Variants in DAB1 observed in about 807,000 individuals in gnomAD.
DAB1 encodes DAB adaptor protein 1.
Under a neutral mutation model 64.6 loss-of-function variants are expected in DAB1, and 15 were observed. The ratio of observed to expected loss-of-function variants is 0.23; its 90% CI spans 0.16 to 0.36. The LOEUF is 0.36. Ranked by LOEUF, DAB1 falls within the 10% of genes least tolerant of loss-of-function variation. DAB1 has a pLI of 1.00. For missense variants in DAB1, 596 were observed against 706.7 expected (o/e 0.84, Z 1.78); for synonymous variants, 235 against 251.9 (o/e 0.93, Z 0.64).
chr1:57,389,710 C>T (rs1682186451), intron 1 of DAB1, among the ~76,000 whole-genome samples: 1 of 152,058 alleles, frequency 6.6e-6, no homozygotes, highest in African/African-American at 2.4e-5. Flanking sequence ...CAATTTGTGA[C>T]CAATAGCTAT....
intron 6 of DAB1, among the ~76,000 whole-genome samples, chr1:57,781,622 G>A (rs1408143): frequency 0.15 from 21,900 of 150,658 alleles, 1,802 homozygotes; most frequent in East Asian, 0.26. Flanking sequence ...GAAATTTTAA[G>A]CACAGGTCAA....
intron 4 of DAB1, among the ~76,000 whole-genome samples, chr1:58,296,449 G>T (rs1661998321): frequency 6.6e-6 from 1 of 152,186 alleles, no homozygotes; most frequent in Admixed American, 6.5e-5. Flanking sequence ...AGCTGCGGGT[G>T]GTTGGGGCAG....
At chr1:58,158,660 A>G (rs552029143) in intron 4 of DAB1, among the ~76,000 whole-genome samples, 1 of 152,334 alleles carries the variant, frequency 6.6e-6, no homozygotes, top group South Asian at 2.1e-4. Flanking sequence ...TGAGAATGGG[A>G]AAGTAGCCAC....
intron 4 of DAB1, among the ~76,000 whole-genome samples, chr1:58,199,469 A>G (rs986889669): frequency 6.6e-6 from 1 of 152,162 alleles, no homozygotes; most frequent in African/African-American, 2.4e-5. Context: ...AAATTACTTA[A>G]TCTCTCTTTT....
At chr1:58,089,068 C>T (rs1650485966) in intron 5 of DAB1, among the ~76,000 whole-genome samples, 1 of 152,258 alleles carries the variant, frequency 6.6e-6, no homozygotes, top group African/African-American at 2.4e-5. Context: ...CACTACTTAG[C>T]ACCAATGTCG....
At chr1:58,410,987 A>C (rs143614830) in intron 3 of DAB1, among the ~76,000 whole-genome samples, 1 of 152,336 alleles carries the variant, frequency 6.6e-6, no homozygotes, top group African/African-American at 2.4e-5. Flanking sequence ...TTTTGCTTAA[A>C]GGGAAAAATT....
chr1:57,391,777 ACACACACACACACAC>A (rs1682384001), intron 1 of DAB1, among the ~76,000 whole-genome samples: 4 of 144,690 alleles, frequency 2.8e-5, no homozygotes, highest in Admixed American at 1.4e-4. Flanking sequence ...ACACACACAC[ACACACACACACACAC>A]ACACACACAC....
At position 58,147,517 on chromosome 1, in the gene DAB1, G is replaced by T. The variant is rs2806398; in HGVS notation, n.387+2994C>A. On this transcript the variant is annotated intron_variant and non_coding_transcript_variant, in intron 5 of 20. Coordinates refer to the DAB1 transcript ENST00000485760. ...CCTGTAGTCCCAGCTACTCGAGGCT[G>T]AGGCAGGAGAATGGCAAGAACCCAG... Among the ~76,000 whole-genome samples, 1,048 of 151,510 alleles carry T rather than the reference G, an allele frequency of 6.9e-3. 17 individuals carry two copies. Among genetic ancestry groups the T allele is most frequent in the African/African-American group, 0.024 (1,001 of 41,228 alleles).
intron 4 of DAB1, among the ~76,000 whole-genome samples, chr1:57,110,039 G>A (rs546292949): frequency 3.3e-5 from 5 of 152,224 alleles, no homozygotes; most frequent in South Asian, 2.1e-4. Flanking sequence ...GAGACATAAC[G>A]AGATCAACCT....
At chr1:58,410,135 G>A (rs1208624013) in intron 3 of DAB1, among the ~76,000 whole-genome samples, 3 of 152,058 alleles carry the variant, frequency 2.0e-5, no homozygotes, top group Non-Finnish European at 4.4e-5. Flanking sequence ...TCTCAGCCCC[G>A]GCCGCCCCTC....
intron 5 of DAB1, among the ~76,000 whole-genome samples, chr1:57,931,862 T>C (rs1644957517): frequency 1.3e-5 from 2 of 152,078 alleles, no homozygotes; most frequent in African/African-American, 2.4e-5. Flanking sequence ...CCTGCTCTTA[T>C]TGTTATTATT....
chr1:57,517,332 A>G (rs1644474845), intron 7 of DAB1, among the ~76,000 whole-genome samples: 1 of 151,548 alleles, frequency 6.6e-6, no homozygotes, highest in African/African-American at 2.4e-5. Flanking sequence ...TGCACTTCGT[A>G]GTTTGCATTC....
intron 7 of DAB1, among the ~76,000 whole-genome samples, chr1:57,626,522 C>G (rs538163851): frequency 1.8e-4 from 27 of 152,326 alleles, no homozygotes; most frequent in African/African-American, 6.0e-4. Context: ...CTGGACCACA[C>G]AGAGCCATGG....
chr1:57,949,009 G>T (rs1395374866), intron 5 of DAB1, among the ~76,000 whole-genome samples: 2 of 152,110 alleles, frequency 1.3e-5, no homozygotes, highest in Non-Finnish European at 2.9e-5. Context: ...GCACTCACCA[G>T]CAATCTACCA....
chr1:57,967,488 C>T (rs551203407), intron 5 of DAB1, among the ~76,000 whole-genome samples: 1 of 152,116 alleles, frequency 6.6e-6, no homozygotes, highest in Non-Finnish European at 1.5e-5. Flanking sequence ...TATTATGGCT[C>T]AATAAGATGT....
chr1:57,714,327 C>G (rs973467403), intron 6 of DAB1, among the ~76,000 whole-genome samples: 2 of 152,104 alleles, frequency 1.3e-5, no homozygotes, highest in African/African-American at 4.8e-5. Context: ...GATGTGAACC[C>G]AGGAAATCTG....
At chr1:57,537,967 A>G (rs1360936139) in intron 7 of DAB1, among the ~76,000 whole-genome samples, 1 of 152,060 alleles carries the variant, frequency 6.6e-6, no homozygotes, top group Non-Finnish European at 1.5e-5. Context: ...GCTTTTTTTA[A>G]CAACCAGCTC....
chr1:57,683,221 C>T (rs933799252), intron 6 of DAB1, among the ~76,000 whole-genome samples: 3 of 152,148 alleles, frequency 2.0e-5, no homozygotes. Context: ...AGGCATGCCT[C>T]CCTCTGCTGG....
At chr1:58,434,759 T>C (rs1035119374) in intron 3 of DAB1, among the ~76,000 whole-genome samples, 1 of 152,192 alleles carries the variant, frequency 6.6e-6, no homozygotes, top group Non-Finnish European at 1.5e-5. Flanking sequence ...ACCCCAAAGA[T>C]ATGAGTCACA....
Sources: gnomAD v4.1 joint callset for allele counts (sites outside exome capture counted in the v4.1 genomes callset) on GRCh38, gnomAD v4.1.1 for gene constraint, MANE v1.5 for transcripts, NCBI Gene and HGNC (gene_info 2026-07-23, HGNC 2026-07-21) for gene names.